Variants in CSMD1 observed in about 807,000 individuals in gnomAD.
CSMD1 encodes CUB and Sushi multiple domains 1.
A neutral mutation model predicts 417.5 loss-of-function variants in CSMD1; 213 were observed. The observed-to-expected ratio is 0.51, with a 90% CI of 0.46 to 0.57. The LOEUF (loss-of-function observed/expected upper bound fraction) is 0.57. Ranked by LOEUF, CSMD1 falls within the 20% of genes least tolerant of loss-of-function variation. The pLI, the probability that CSMD1 is intolerant of heterozygous loss-of-function variation, is 0.00. For synonymous variants in CSMD1, 2,862 were observed against 1,736.8 expected (o/e 1.65, Z -16.11); for missense variants, 6,923 against 4,529.7 (o/e 1.53, Z -15.17).
At chr8:3,495,135 G>C (rs1256685259) in intron 10 of CSMD1, among the ~76,000 whole-genome samples, 1 of 152,170 alleles carries the variant, frequency 6.6e-6, no homozygotes, top group Non-Finnish European at 1.5e-5. Flanking sequence ...AATAGGTGTC[G>C]AGGTTGATAG....
chr8:3,759,989 C>T (rs1384667596), intron 5 of CSMD1, among the ~76,000 whole-genome samples: 7 of 151,712 alleles, frequency 4.6e-5, no homozygotes, highest in Non-Finnish European at 8.8e-5. Context: ...TCAGAGCGCA[C>T]TGACCATTTT....
At chr8:4,878,620 A>G (rs901568178) in intron 1 of CSMD1, among the ~76,000 whole-genome samples, 3 of 152,072 alleles carry the variant, frequency 2.0e-5, no homozygotes, top group Non-Finnish European at 4.4e-5. Context: ...GAGGTGCTGG[A>G]AATTATGCTC....
At chr8:4,914,107 T>G (rs1265312551) in intron 1 of CSMD1, among the ~76,000 whole-genome samples, 1 of 152,096 alleles carries the variant, frequency 6.6e-6, no homozygotes, top group Non-Finnish European at 1.5e-5. Flanking sequence ...TATGGATGAT[T>G]GATTTGTGTT....
At chr8:3,564,391 C>G (rs1799605077) in intron 10 of CSMD1, among the ~76,000 whole-genome samples, 1 of 152,188 alleles carries the variant, frequency 6.6e-6, no homozygotes, top group Non-Finnish European at 1.5e-5. Flanking sequence ...TTCATTCACT[C>G]ACACCTGCTA....
chr8:3,592,449 T>A (rs889004322), intron 8 of CSMD1, among the ~76,000 whole-genome samples: 1 of 152,036 alleles, frequency 6.6e-6, no homozygotes, highest in African/African-American at 2.4e-5. Context: ...ACACAAAAAT[T>A]TGAGGAAACC....
intron 3 of CSMD1, among the ~76,000 whole-genome samples, chr8:4,178,247 T>G (rs1362538096): frequency 6.6e-6 from 1 of 152,132 alleles, no homozygotes; most frequent in African/African-American, 2.4e-5. Flanking sequence ...CAAGTGGGCT[T>G]CATCCCTGGG....
At position 4,901,776 on chromosome 8, in the gene CSMD1, C is replaced by T. The variant is rs76916306; in HGVS notation, c.85+92556G>A. Among the ~76,000 whole-genome samples the T allele has an allele frequency of 2.1e-3, 317 of 152,248 alleles. 10 individuals are homozygous for T. In the East Asian group the frequency reaches 0.029, roughly 14 times the overall value. On this transcript the variant is annotated intron_variant, in intron 1 of 69. Coordinates refer to ENST00000635120, the MANE Select transcript of CSMD1 (RefSeq NM_033225.6). ...GTAAGTAAATGATAGGGAGAGGTGC[C>T]TTCCTTGGAGGGAGGCACAATTGTG... is the stretch of plus-strand genomic sequence containing the variant.
chr8:3,869,437 C>G (rs1272385669), intron 5 of CSMD1, among the ~76,000 whole-genome samples: 3 of 152,246 alleles, frequency 2.0e-5, no homozygotes, highest in East Asian at 1.9e-4. Flanking sequence ...CCTGTCCTGC[C>G]TTCATAAAGC....
At chr8:4,431,992 T>C (rs1299369135) in intron 2 of CSMD1, among the ~76,000 whole-genome samples, 2 of 152,202 alleles carry the variant, frequency 1.3e-5, no homozygotes, top group African/African-American at 4.8e-5. Flanking sequence ...ATGCACTTCA[T>C]TATATTTGTC....
At chr8:3,655,761 G>A (rs895212653) in intron 7 of CSMD1, among the ~76,000 whole-genome samples, 3 of 151,786 alleles carry the variant, frequency 2.0e-5, no homozygotes, top group East Asian at 1.9e-4. Flanking sequence ...AATTAGCTAC[G>A]GCTGTAGGAG....
chr8:3,889,494 A>ATATAT (rs1554475387), intron 5 of CSMD1, among the ~76,000 whole-genome samples: 1,793 of 38,372 alleles, frequency 0.047, 244 homozygotes, highest in Middle Eastern at 0.077. Flanking sequence ...TATATATATA[A>ATATAT]AATATGCTCA....
intron 3 of CSMD1, among the ~76,000 whole-genome samples, chr8:4,325,624 A>AT (rs1216580512): frequency 6.6e-6 from 1 of 152,062 alleles, no homozygotes; most frequent in Non-Finnish European, 1.5e-5. Context: ...GCATCTGAAG[A>AT]TTTTTTCCCA....
chr8:4,203,146 C>G (rs1057307248), intron 3 of CSMD1, among the ~76,000 whole-genome samples: 1 of 152,152 alleles, frequency 6.6e-6, no homozygotes, highest in Admixed American at 6.5e-5. Context: ...AAAACCTTTT[C>G]TGGCTCAGGT....
intron 1 of CSMD1, among the ~76,000 whole-genome samples, chr8:4,922,779 C>A (rs1293175740): frequency 1.3e-5 from 2 of 152,146 alleles, no homozygotes; most frequent in Non-Finnish European, 2.9e-5. Context: ...CTGAAGGACA[C>A]CAAAGTCACC....
At chr8:3,591,312 A>G (rs921332920) in intron 8 of CSMD1, among the ~76,000 whole-genome samples, 1 of 152,212 alleles carries the variant, frequency 6.6e-6, no homozygotes, top group African/African-American at 2.4e-5. Context: ...ATTGCTCCGT[A>G]TTTGATTTCG....
At chr8:3,186,718 T>C (rs10094838) in intron 36 of CSMD1, among the ~76,000 whole-genome samples, 13,829 of 152,218 alleles carry the variant, frequency 0.091, 809 homozygotes, top group Admixed American at 0.13. Flanking sequence ...GCAGTAGAGA[T>C]AAACAACTGA....
At chr8:4,085,111 T>C (rs1379318321) in intron 3 of CSMD1, among the ~76,000 whole-genome samples, 2 of 152,152 alleles carry the variant, frequency 1.3e-5, no homozygotes, top group African/African-American at 2.4e-5. Flanking sequence ...GTCCAACCAG[T>C]TGGACAACCC....
intron 1 of CSMD1, among the ~76,000 whole-genome samples, chr8:4,893,455 G>A (rs1182765193): frequency 2.0e-5 from 3 of 151,890 alleles, no homozygotes. Flanking sequence ...TGTCTTCAGG[G>A]TTTATTTGTT....
rs140351425 is a variant in CSMD1 at position 4,232,892 on chromosome 8, G to A, written c.415+187061C>T. Among the ~76,000 whole-genome samples, 315 of 152,134 alleles carry A rather than the reference G, an allele frequency of 2.1e-3. 2 individuals carry two copies. The highest frequency in any genetic ancestry group is 7.2e-3 in the African/African-American group (301 of 41,528). Reference sequence around the variant, plus strand: ...ACAATCTTGAATAAGTGTAAAAGGAGGAAAAGGATATTGAAATTCACAAGA... The same window carrying A: ...ACAATCTTGAATAAGTGTAAAAGGAAGAAAAGGATATTGAAATTCACAAGA... On this transcript the variant is annotated intron_variant, in intron 3 of 69. Coordinates refer to ENST00000635120, the MANE Select transcript of CSMD1 (RefSeq NM_033225.6).
Sources: allele counts gnomAD v4.1 joint callset (sites outside exome capture counted in the v4.1 genomes callset), GRCh38; gene constraint gnomAD v4.1.1; transcripts MANE v1.5; gene names NCBI Gene and HGNC (gene_info 2026-07-23, HGNC 2026-07-21).